The following SLC50A1 variants were observed in gnomAD, a reference collection of about 807,000 sequenced individuals.
SLC50A1 encodes sugar transporter SWEET1.
SLC50A1 carries 22 observed loss-of-function variants against 28.9 expected under a neutral mutation model. The observed-to-expected ratio is 0.76, with a 90% CI of 0.54 to 1.09. SLC50A1 has a LOEUF of 1.09. Ranked by LOEUF, SLC50A1 falls within the 50% of genes least tolerant of loss-of-function variation. The pLI, the probability that SLC50A1 is intolerant of heterozygous loss-of-function variation, is 0.00. For missense variants in SLC50A1, 233 were observed against 273.4 expected (o/e 0.85, Z 1.04); for synonymous variants, 96 against 110.6 (o/e 0.87, Z 0.83).
upstream of SLC50A1, chr1:155,135,673 T>A (rs973350921): frequency 1.0e-5 from 16 of 1,550,208 alleles, no homozygotes; most frequent in Non-Finnish European, 1.4e-5. Flanking sequence ...GACCGGGACA[T>A]GGAAGAGGTC....
At chr1:155,137,746 T>TAG (rs1557792047) in intron 4 of SLC50A1, 24 bp downstream of exon 4, 1 of 1,612,584 alleles carries the variant, frequency 6.2e-7, no homozygotes, top group Non-Finnish European at 8.5e-7. Flanking sequence ...TCCAAGGAGG[T>TAG]AGGAGAGATA....
intron 3 of SLC50A1, among the ~76,000 whole-genome samples, chr1:155,137,291 T>TA (rs1664542726): frequency 1.3e-5 from 2 of 152,232 alleles, no homozygotes; most frequent in South Asian, 4.1e-4. Flanking sequence ...GCGTCCCTGC[T>TA]AAATCACACA....
At position 155,138,002 on chromosome 1, in the gene SLC50A1, A is replaced by G. The variant is rs1338283891; in HGVS notation, c.468A>G (p.Ser156=). The G allele has an allele frequency of 6.2e-7, 1 of 1,614,144 alleles. No individual in the cohort carries two copies. The highest frequency in any genetic ancestry group is 1.7e-5 in the Admixed American group (1 of 60,010). ...AGGCTAAGGTGATTCAAACTAAATC[A>G]ACCCAATGTCTCTCCTACCCACTCA... The part of the protein sequence containing the change: ...ADLAKVIQTK[S]TQCLSYPLTI... The change falls in exon 5 of 6, where the codon TCA becomes TCG. Residue 156 remains serine, a synonymous_variant. Coordinates refer to ENST00000368404, the MANE Select transcript of SLC50A1 (RefSeq NM_018845.4).
chr1:155,138,547 G>A lies in SLC50A1; in HGVS notation c.*266G>A, dbSNP rs1159600158. On this transcript the variant is annotated 3_prime_UTR_variant, in exon 6 of 6. Coordinates refer to ENST00000368404, the MANE Select transcript of SLC50A1 (RefSeq NM_018845.4). ...TCTTTAGAATATGCCTTAAAAGGCC[G>A]GGCGCGGTGGCTCACGCCTGTAATC... is the stretch of plus-strand genomic sequence containing the variant. 26 of 427,270 alleles carry A rather than the reference G, an allele frequency of 6.1e-5. No homozygotes were observed. The highest frequency in any genetic ancestry group is 1.3e-4 in the South Asian group (5 of 37,092). The allele number at this position is 427,270 out of a possible 1,614,324, so 26.5% of individuals were successfully genotyped here.
At chr1:155,136,782 C>T (rs1291042131) in intron 2 of SLC50A1, 46 bp from the exon 3 acceptor site, 1 of 1,611,486 alleles carries the variant, frequency 6.2e-7, no homozygotes, top group Admixed American at 1.7e-5. Context: ...GGGTCCTCCT[C>T]TCACACTGAA....
Position 155,135,959 on chromosome 1 carries a change from G to A in SLC50A1, c.48G>A (p.Val16=), listed in dbSNP as rs1199880792. The A allele has an allele frequency of 6.2e-7, 1 of 1,613,988 alleles. No homozygotes were observed. The highest frequency in any genetic ancestry group is 1.3e-5 in the African/African-American group (1 of 74,924). ...FLDSLIYGAC[V]VFTLGMFSAG... ...ACTCGCTCATTTACGGAGCATGCGT[G>A]GTCTTCACCCTTGGCATGTTCTCCG... Residue 16 remains valine (V), a synonymous_variant, in exon 1 of 6, where the codon GTG becomes GTA. Coordinates refer to ENST00000368404, the MANE Select transcript of SLC50A1 (RefSeq NM_018845.4).
chr1:155,136,675 G>A, intron 2 of SLC50A1, 153 bp from the exon 3 acceptor site: 2 of 1,113,414 alleles, frequency 1.8e-6, no homozygotes, highest in South Asian at 1.6e-5. Flanking sequence ...CCCAGGAGGC[G>A]GAGCTTGCAG....
At position 155,136,851 on chromosome 1, in the gene SLC50A1, G is replaced by C; in HGVS notation, c.182G>C (p.Gly61Ala). ...AGCAACCTGGGCTGGCTGAGTTATGGGGCTTTGAAGGGAGACGGGATCCTC... is the reference window on the plus strand; with the variant it reads ...AGCAACCTGGGCTGGCTGAGTTATGCGGCTTTGAAGGGAGACGGGATCCTC... ...EVNNLGWLSY[G>A]ALKGDGILIV... Residue 61 changes from glycine (G) to alanine (A), a missense_variant, in exon 3 of 6, where the codon GGG becomes GCG. Physicochemically the swap from Gly to Ala is moderately conservative, Grantham distance 60. Transcript: ENST00000368404. The C allele has an allele frequency of 6.2e-7, 1 of 1,614,174 alleles. No individual in the cohort carries two copies. Among genetic ancestry groups the C allele is most frequent in the Non-Finnish European group, 8.5e-7 (1 of 1,180,022 alleles).
upstream of SLC50A1, chr1:155,135,799 G>A (rs1028854653): frequency 6.0e-5 from 93 of 1,558,908 alleles, 2 homozygotes; most frequent in Admixed American, 1.5e-3. Context: ...GCGTGCGGGG[G>A]CGGAGCCGAG....
rs1450481805 is a variant in SLC50A1 at position 155,137,855 on chromosome 1, G to A, written c.445-124G>A. ...ACAAGGCAGTAGAAGTGGGCGAGTGGGAGGCAGGAAAGGTTGGGTGACAGA... is the reference window on the plus strand; with the variant it reads ...ACAAGGCAGTAGAAGTGGGCGAGTGAGAGGCAGGAAAGGTTGGGTGACAGA... On this transcript the variant is annotated intron_variant, in intron 4 of 5. Coordinates refer to ENST00000368404, the MANE Select transcript of SLC50A1 (RefSeq NM_018845.4). 3.2e-6 allele frequency: 5 copies of A among 1,581,262 alleles called. No homozygotes were observed. The African/African-American group carries it at 5.4e-5, about 17-fold the overall frequency.
chr1:155,136,990 C>T, intron 3 of SLC50A1, 39 bp downstream of exon 3: 1 of 1,601,830 alleles, frequency 6.2e-7, no homozygotes, highest in Non-Finnish European at 8.5e-7. Flanking sequence ...CTGCTGCACG[C>T]CCTGCCTTGC....
At chr1:155,136,246 C>A in intron 1 of SLC50A1, 53 bp from the exon 2 acceptor site, 3 of 1,258,688 alleles carry the variant, frequency 2.4e-6, no homozygotes, top group Non-Finnish European at 1.1e-6. Flanking sequence ...CCCCCTCTAG[C>A]ACTCTGCTTC....
rs200017605 is a variant in SLC50A1 at position 155,135,873 on chromosome 1, C to G, written c.-39C>G. The G allele has an allele frequency of 1.3e-6, 2 of 1,590,710 alleles. No homozygotes were observed. The highest frequency in any genetic ancestry group is 1.3e-5 in the African/African-American group (1 of 74,410). ...CAGTAGGTCCCGGCAACCGCAGGCTCGCGGCGGGCGCTGGGCGCGGGATCC... is the reference window on the plus strand; with the variant it reads ...CAGTAGGTCCCGGCAACCGCAGGCTGGCGGCGGGCGCTGGGCGCGGGATCC... On this transcript the variant is annotated 5_prime_UTR_variant, in exon 1 of 6. Transcript: ENST00000368404.
chr1:155,135,489 C>A, upstream of SLC50A1: 1 of 1,197,966 alleles, frequency 8.3e-7, no homozygotes, highest in Admixed American at 2.8e-5. Flanking sequence ...GGAAAGCGTG[C>A]TGAAGTCTTG....
rs1664628846 is a variant in SLC50A1 at position 155,138,492 on chromosome 1, T to G, written c.*211T>G. On this transcript the variant is annotated 3_prime_UTR_variant, in exon 6 of 6. Transcript: ENST00000368404. The stretch of plus-strand genomic sequence containing the variant: ...ATCACTTTTTATTTTTTAGAGATTT[T>G]TTTTTTTAATTTTGGAGGTTGGGGT... The G allele has an allele frequency of 1.8e-6, 1 of 569,908 alleles. No homozygotes were observed. Among genetic ancestry groups the G allele is most frequent in the Non-Finnish European group, 3.1e-6 (1 of 325,180 alleles). The allele number at this position is 569,908 out of a possible 1,614,324, so 35.3% of individuals were successfully genotyped here. A position where few individuals can be genotyped will look rare whatever the true frequency, so the allele number is the denominator to read the frequency against.
chr1:155,137,013 C>A lies in SLC50A1; in HGVS notation c.282+62C>A, dbSNP rs1056930673. ...CGCCCTGCCTTGCTGGCAGGGCAAA[C>A]ACTATTTCCTAGAAGACTGTAACAG... is the stretch of plus-strand genomic sequence containing the variant. On this transcript the variant is annotated intron_variant, in intron 3 of 5. Coordinates refer to ENST00000368404, the MANE Select transcript of SLC50A1 (RefSeq NM_018845.4). The A allele has an allele frequency of 1.3e-5, 21 of 1,592,860 alleles. No individual in the cohort carries two copies. In the East Asian group the frequency reaches 4.5e-4, roughly 34 times the overall value.
chr1:155,136,997 T>C (rs1458258330), intron 3 of SLC50A1, 46 bp downstream of exon 3: 1 of 1,598,948 alleles, frequency 6.3e-7, no homozygotes, highest in Admixed American at 1.7e-5. Context: ...ACGCCCTGCC[T>C]TGCTGGCAGG....
intron 4 of SLC50A1, 79 bp downstream of exon 4, chr1:155,137,801 G>C (rs1664578476): frequency 1.9e-6 from 3 of 1,588,914 alleles, no homozygotes; most frequent in African/African-American, 1.3e-5. Context: ...ACAGTCCCGA[G>C]GAAGGGGAGA....
Position 155,136,907 on chromosome 1 carries a change from C to T in SLC50A1, c.238C>T (p.Gln80Ter), listed in dbSNP as rs1400563282. ...CGTCAACACAGTGGGTGCTGCGCTT[C>T]AGACCCTGTATATCTTGGCATATCT... ...IVVNTVGAAL[Q>*]TLYILAYLHY... The change falls in exon 3 of 6, where the codon CAG becomes TAG. Residue 80 changes from glutamine (Q) to a stop codon, truncating the protein, a stop_gained. Coordinates refer to ENST00000368404, the MANE Select transcript of SLC50A1 (RefSeq NM_018845.4). LOFTEE classifies it high-confidence loss of function. 2 of 1,614,214 alleles carry T rather than the reference C, an allele frequency of 1.2e-6. No homozygotes were observed. Among genetic ancestry groups the T allele is most frequent in the Middle Eastern group, 3.3e-4 (2 of 6,058 alleles).
Sources: allele counts gnomAD v4.1 joint callset (sites outside exome capture counted in the v4.1 genomes callset), GRCh38; gene constraint gnomAD v4.1.1; transcripts MANE v1.5; gene names NCBI Gene and HGNC (gene_info 2026-07-23, HGNC 2026-07-21).